Variants in THSD7B observed in about 807,000 individuals in gnomAD.
THSD7B encodes the protein thrombospondin type-1 domain-containing protein 7B.
THSD7B carries 138 observed loss-of-function variants against 213.6 expected under a neutral mutation model. The observed-to-expected ratio is 0.65, with a 90% CI of 0.56 to 0.74. The LOEUF is 0.74. Ranked by LOEUF, THSD7B falls within the 30% of genes least tolerant of loss-of-function variation. The pLI, the probability that THSD7B is intolerant of heterozygous loss-of-function variation, is 0.00. For synonymous variants in THSD7B, 742 were observed against 687.0 expected, an observed-to-expected ratio of 1.08 and a Z score of -1.25; for missense variants, 1,931 against 1,991.5, an observed-to-expected ratio of 0.97 and a Z score of 0.58.
In THSD7B at chr2:137,676,960, A is replaced by G. The variant is rs957579730; in HGVS notation, c.*355A>G. On this transcript the variant is annotated 3_prime_UTR_variant, in exon 28 of 28. Transcript: ENST00000409968. Reference sequence around the variant, plus strand: ...ATAATGACAATCCAGAGGAAAATACAGTCAAGGCATTTACTCTAAATGACG... The same window carrying G: ...ATAATGACAATCCAGAGGAAAATACGGTCAAGGCATTTACTCTAAATGACG... 2.5e-4 allele frequency: 46 copies of G among 184,610 alleles called. No homozygotes were observed. The highest frequency in any genetic ancestry group is 9.7e-4 in the African/African-American group (41 of 42,396). 11.4% of individuals were successfully genotyped at this position (184,610 alleles called of 1,614,324 possible).
chr2:137,545,703 C>T (rs1680694089), intron 15 of THSD7B, among the ~76,000 whole-genome samples: 1 of 151,874 alleles, frequency 6.6e-6, no homozygotes, highest in Non-Finnish European at 1.5e-5. Flanking sequence ...AGATCTAGAA[C>T]CCTAACTCTA....
intron 19 of THSD7B, among the ~76,000 whole-genome samples, chr2:137,618,883 A>G (rs1682460659): frequency 6.6e-6 from 1 of 152,210 alleles, no homozygotes; most frequent in African/African-American, 2.4e-5. Context: ...TCCCTTGCAT[A>G]GAAGACGAAC....
At chr2:137,186,286 T>C (rs967895576) in intron 7 of THSD7B, among the ~76,000 whole-genome samples, 3 of 152,176 alleles carry the variant, frequency 2.0e-5, no homozygotes, top group African/African-American at 7.2e-5. Context: ...TTTAAGGACC[T>C]AGCCATAAAT....
chr2:137,193,174 C>T (rs715269), intron 7 of THSD7B, among the ~76,000 whole-genome samples: 5,825 of 152,080 alleles, frequency 0.038, 407 homozygotes, highest in African/African-American at 0.13. Flanking sequence ...CACCCTGCCA[C>T]GCCAGGGGTT....
chr2:137,591,763 C>T (rs1218680012), intron 17 of THSD7B, among the ~76,000 whole-genome samples: 1 of 151,822 alleles, frequency 6.6e-6, no homozygotes, highest in African/African-American at 2.4e-5. Context: ...TAGTTTGATG[C>T]CACGTTATTT....
chr2:137,317,180 G>C (rs1684130677), intron 12 of THSD7B, among the ~76,000 whole-genome samples: 1 of 151,988 alleles, frequency 6.6e-6, no homozygotes, highest in Non-Finnish European at 1.5e-5. Flanking sequence ...ATTTTCATCA[G>C]TGAAATGAGA....
chr2:137,310,717 A>G (rs1683879523), intron 12 of THSD7B, among the ~76,000 whole-genome samples: 1 of 152,068 alleles, frequency 6.6e-6, no homozygotes, highest in Non-Finnish European at 1.5e-5. Flanking sequence ...TCAGCTTTCT[A>G]CATATGGCTA....
At chr2:137,345,370 A>G (rs1431077076) in intron 12 of THSD7B, among the ~76,000 whole-genome samples, 2 of 151,712 alleles carry the variant, frequency 1.3e-5, no homozygotes, top group East Asian at 3.9e-4. Context: ...AGACATAAGG[A>G]AAAAAATAAT....
intron 12 of THSD7B, among the ~76,000 whole-genome samples, chr2:137,373,172 C>A (rs940316849): frequency 3.9e-5 from 6 of 152,110 alleles, no homozygotes; most frequent in African/African-American, 1.4e-4. Context: ...GTGCATGTGT[C>A]TTTATAGCAG....
At chr2:136,905,936 C>G (rs1412318754) in intron 2 of THSD7B, among the ~76,000 whole-genome samples, 1 of 152,216 alleles carries the variant, frequency 6.6e-6, no homozygotes, top group South Asian at 2.1e-4. Flanking sequence ...GGAATACTTA[C>G]AGCTAAAGGC....
intron 12 of THSD7B, among the ~76,000 whole-genome samples, chr2:137,360,243 T>G (rs991088006): frequency 2.0e-5 from 3 of 152,126 alleles, no homozygotes; most frequent in Admixed American, 2.0e-4. Flanking sequence ...AGCTTTGAGG[T>G]CCATTCCAAG....
In THSD7B at chr2:137,101,598, G is replaced by A. The variant is rs6708118; in HGVS notation, c.1199+6477G>A. 6.7e-3 allele frequency among the ~76,000 whole-genome samples: 1,027 copies of A among 152,164 alleles called. 10 individuals are homozygous for A. The highest frequency in any genetic ancestry group is 0.022 in the African/African-American group (927 of 41,498). ...GGGGAGCCAAGTGGTCTAGCTCAGC[G>A]GATCCCACCCCTATGGAGCCCAGCA... On this transcript the variant is annotated intron_variant, in intron 4 of 27. Transcript: ENST00000409968.
At chr2:136,959,526 G>A (rs551393597) in intron 2 of THSD7B, among the ~76,000 whole-genome samples, 2 of 152,298 alleles carry the variant, frequency 1.3e-5, no homozygotes, top group East Asian at 3.9e-4. Context: ...TTACTTGACT[G>A]TCAGAGCACT....
intron 2 of THSD7B, among the ~76,000 whole-genome samples, chr2:136,884,661 T>C (rs1477233402): frequency 6.6e-6 from 1 of 152,246 alleles, no homozygotes; most frequent in Non-Finnish European, 1.5e-5. Flanking sequence ...GGAATCATAC[T>C]CTGCACTGCT....
rs115350397 is a variant in THSD7B, at chr2:136,927,773, G to T, written c.139+45456G>T. On this transcript the variant is annotated intron_variant, in intron 2 of 27. Coordinates refer to ENST00000409968, the MANE Select transcript of THSD7B (RefSeq NM_001316349.2). The stretch of plus-strand genomic sequence containing the variant: ...TAGGGCACAGCTAGTGCTTAGGAGT[G>T]CAGGAAGTTTGGCAGGAGTGAACTT... 8.0e-3 allele frequency among the ~76,000 whole-genome samples: 1,214 copies of T among 152,322 alleles called. 21 individuals carry two copies. The highest frequency in any genetic ancestry group is 0.028 in the African/African-American group (1,165 of 41,568).
At chr2:136,846,792 A>G (rs1683016567) in intron 1 of THSD7B, among the ~76,000 whole-genome samples, 1 of 152,174 alleles carries the variant, frequency 6.6e-6, no homozygotes, top group African/African-American at 2.4e-5. Context: ...ACAGATTTCC[A>G]TATTACCTTT....
At chr2:137,107,664 A>G (rs866965692) in intron 4 of THSD7B, among the ~76,000 whole-genome samples, 1 of 152,174 alleles carries the variant, frequency 6.6e-6, no homozygotes, top group Non-Finnish European at 1.5e-5. Flanking sequence ...GCATTTGTCT[A>G]TTACTGAGGT....
chr2:137,482,394 T>A (rs1688327883), intron 15 of THSD7B, among the ~76,000 whole-genome samples: 1 of 152,206 alleles, frequency 6.6e-6, no homozygotes, highest in Admixed American at 6.5e-5. Flanking sequence ...TAAATTTGTT[T>A]ATTTACTGTA....
At chr2:136,857,032 GT>G (rs2104968885) in intron 1 of THSD7B, among the ~76,000 whole-genome samples, 1 of 152,202 alleles carries the variant, frequency 6.6e-6, no homozygotes, top group South Asian at 2.1e-4. Flanking sequence ...ATGTAATTCT[GT>G]TTTGAAAATT....
Sources: allele counts gnomAD v4.1 joint callset (sites outside exome capture counted in the v4.1 genomes callset), GRCh38; gene constraint gnomAD v4.1.1; transcripts MANE v1.5; gene names NCBI Gene and HGNC (gene_info 2026-07-23, HGNC 2026-07-21).